The following KCNB2 variants were observed in gnomAD, a reference collection of about 807,000 sequenced individuals.
KCNB2 encodes potassium voltage-gated channel subfamily B member 2.
In KCNB2, 15 loss-of-function variants were observed where a neutral mutation model predicts 61.5. The ratio of observed to expected loss-of-function variants is 0.24; its 90% CI spans 0.16 to 0.38. The LOEUF (loss-of-function observed/expected upper bound fraction) is 0.38. KCNB2 is among the 10% of genes least tolerant of loss of function. The probability of loss-of-function intolerance (pLI) is 1.00; values close to 1 mark genes in which losing one functional copy is unlikely to be tolerated. For synonymous variants in KCNB2, 457 were observed against 446.0 expected, an observed-to-expected ratio of 1.02 and a Z score of -0.31; for missense variants, 828 against 1,125.2, an observed-to-expected ratio of 0.74 and a Z score of 3.78.
At chr8:72,683,730 T>G (rs1215090179) in intron 2 of KCNB2, among the ~76,000 whole-genome samples, 1 of 152,068 alleles carries the variant, frequency 6.6e-6, no homozygotes, top group Non-Finnish European at 1.5e-5. Context: ...AAAGAGCAGG[T>G]GCCTGCTACA....
At chr8:72,795,117 T>G (rs574517584) in intron 2 of KCNB2, among the ~76,000 whole-genome samples, 107 of 152,296 alleles carry the variant, frequency 7.0e-4, no homozygotes, top group Non-Finnish European at 1.1e-3. Flanking sequence ...ACAAGATCAT[T>G]AAGAGGTAGT....
chr8:72,919,472 T>C (rs182437283), intron 2 of KCNB2, among the ~76,000 whole-genome samples: 151 of 152,332 alleles, frequency 9.9e-4, no homozygotes, highest in African/African-American at 3.6e-3. Context: ...ACACAGAAGA[T>C]AGGCTTCTGA....
chr8:72,560,418 C>CTTATT (rs1363219178), intron 1 of KCNB2, among the ~76,000 whole-genome samples: 1 of 152,186 alleles, frequency 6.6e-6, no homozygotes, highest in Non-Finnish European at 1.5e-5. Flanking sequence ...CAGGTAGTGA[C>CTTATT]TGAAGTTCGT....
intron 2 of KCNB2, among the ~76,000 whole-genome samples, chr8:72,855,560 A>G (rs10957629): frequency 0.22 from 33,453 of 152,028 alleles, 4,074 homozygotes; most frequent in Non-Finnish European, 0.28. Context: ...TATATTTTCC[A>G]TATTATTAAG....
intron 1 of KCNB2, among the ~76,000 whole-genome samples, chr8:72,558,864 G>A (rs1032871380): frequency 8.5e-5 from 13 of 152,070 alleles, no homozygotes; most frequent in Non-Finnish European, 1.0e-4. Flanking sequence ...TTATTGGATC[G>A]TCAGGGAGGT....
intron 2 of KCNB2, among the ~76,000 whole-genome samples, chr8:72,792,820 A>G (rs1305337048): frequency 1.3e-5 from 2 of 152,224 alleles, no homozygotes; most frequent in Non-Finnish European, 2.9e-5. Context: ...TTGATCTTTT[A>G]TATAATGTCA....
intron 2 of KCNB2, among the ~76,000 whole-genome samples, chr8:72,845,994 A>AG (rs1809984588): frequency 6.6e-6 from 1 of 151,492 alleles, no homozygotes; most frequent in African/African-American, 2.4e-5. Context: ...GTATGAAAAA[A>AG]AAAAAAAACT....
intron 2 of KCNB2, among the ~76,000 whole-genome samples, chr8:72,837,060 A>G (rs900309192): frequency 3.3e-5 from 5 of 152,238 alleles, no homozygotes; most frequent in Non-Finnish European, 7.3e-5. Context: ...ATCTAATTCT[A>G]TAAAAATGTG....
At chr8:72,835,578 A>G (rs1011761001) in intron 2 of KCNB2, among the ~76,000 whole-genome samples, 1 of 152,186 alleles carries the variant, frequency 6.6e-6, no homozygotes, top group African/African-American at 2.4e-5. Flanking sequence ...AAAAATCTGC[A>G]CTTATTCTGA....
intron 2 of KCNB2, among the ~76,000 whole-genome samples, chr8:72,665,256 G>A (rs1198189232): frequency 6.6e-6 from 1 of 152,282 alleles, no homozygotes; most frequent in Non-Finnish European, 1.5e-5. Context: ...CTTTGCTGGA[G>A]GGATGGTGAG....
At chr8:72,814,937 G>C (rs897224422) in intron 2 of KCNB2, among the ~76,000 whole-genome samples, 1 of 152,142 alleles carries the variant, frequency 6.6e-6, no homozygotes, top group Admixed American at 6.5e-5. Context: ...AAGTCAATCA[G>C]AAGGTCAATA....
intron 2 of KCNB2, among the ~76,000 whole-genome samples, chr8:72,656,681 C>T (rs1248403686): frequency 6.6e-6 from 1 of 152,102 alleles, no homozygotes; most frequent in Admixed American, 6.6e-5. Context: ...GGTTTAAAGC[C>T]TTCACATTAT....
In KCNB2 at chr8:72,798,396, T is replaced by C. The variant is rs1486163074; in HGVS notation, c.580-137539T>C. Reference sequence around the variant, plus strand: ...GAGCTTTTTCTGAAGGCAGGCTCTGTGTATATTTCTTATATCATCCTACCA... The same window carrying C: ...GAGCTTTTTCTGAAGGCAGGCTCTGCGTATATTTCTTATATCATCCTACCA... On this transcript the variant is annotated intron_variant, in intron 2 of 2. Transcript: ENST00000523207. Among the ~76,000 whole-genome samples the C allele has an allele frequency of 2.6e-5, 4 of 152,154 alleles. No homozygotes were observed. The East Asian group carries it at 7.7e-4, about 29-fold the overall frequency.
intron 2 of KCNB2, among the ~76,000 whole-genome samples, chr8:72,914,822 AAAGT>A (rs1806361642): frequency 6.6e-6 from 1 of 152,212 alleles, no homozygotes; most frequent in Non-Finnish European, 1.5e-5. Flanking sequence ...TAAGTGTTGT[AAAGT>A]AAACAGATCT....
At chr8:72,760,519 C>T (rs1263593916) in intron 2 of KCNB2, among the ~76,000 whole-genome samples, 3 of 152,144 alleles carry the variant, frequency 2.0e-5, no homozygotes, top group African/African-American at 4.8e-5. Flanking sequence ...GCAACAGCAT[C>T]ACCTAGGCAC....
intron 2 of KCNB2, among the ~76,000 whole-genome samples, chr8:72,634,950 A>T (rs1435723768): frequency 6.6e-6 from 1 of 152,182 alleles, no homozygotes; most frequent in African/African-American, 2.4e-5. Context: ...TTCTTTGGAA[A>T]GCCTGGAGAC....
intron 1 of KCNB2, among the ~76,000 whole-genome samples, chr8:72,556,276 C>G (rs1431661): frequency 6.6e-6 from 1 of 152,052 alleles, no homozygotes; most frequent in Non-Finnish European, 1.5e-5. Context: ...TTCATAGATG[C>G]TAGTAGGTCA....
At chr8:72,683,214 A>G (rs1806792257) in intron 2 of KCNB2, among the ~76,000 whole-genome samples, 1 of 152,194 alleles carries the variant, frequency 6.6e-6, no homozygotes, top group African/African-American at 2.4e-5. Flanking sequence ...CCATTGAACA[A>G]TGTTGGCACT....
chr8:72,638,138 C>T (rs2128985472), intron 2 of KCNB2, among the ~76,000 whole-genome samples: 1 of 152,216 alleles, frequency 6.6e-6, no homozygotes, highest in East Asian at 1.9e-4. Flanking sequence ...TTATCCCTTT[C>T]CCCCACCATC....
Sources: gnomAD v4.1 joint callset for allele counts (sites outside exome capture counted in the v4.1 genomes callset) on GRCh38, gnomAD v4.1.1 for gene constraint, MANE v1.5 for transcripts, NCBI Gene and HGNC (gene_info 2026-07-23, HGNC 2026-07-21) for gene names.